The following COL9A2 variants were observed in gnomAD, a reference collection of about 807,000 sequenced individuals.
COL9A2 encodes the protein collagen type IX alpha 2 chain.
In COL9A2, 66 loss-of-function variants were observed where a neutral mutation model predicts 111.6. That is an observed-to-expected ratio of 0.59 (90% CI 0.48 to 0.73). The LOEUF (loss-of-function observed/expected upper bound fraction) is 0.73, where lower values mean the gene tolerates loss of function less well. Ranked by LOEUF, COL9A2 falls within the 30% of genes least tolerant of loss-of-function variation. The pLI is 0.00. For synonymous variants in COL9A2, 353 were observed against 364.1 expected (o/e 0.97, Z 0.35); for missense variants, 881 against 954.1 (o/e 0.92, Z 1.01).
At chr1:40,304,176 C>T (rs1643980944) in intron 24 of COL9A2, 77 bp from the exon 25 acceptor site, 2 of 1,516,152 alleles carry the variant, frequency 1.3e-6, no homozygotes, top group Non-Finnish European at 1.8e-6. Flanking sequence ...CGGCCACACC[C>T]CTCTTTCCAA....
At position 40,302,678 on chromosome 1, in the gene COL9A2, G is replaced by A. The variant is rs1179226171; in HGVS notation, c.1735C>T (p.Arg579Trp). 3.8e-6 allele frequency: 6 copies of A among 1,597,648 alleles called. No homozygotes were observed. Among genetic ancestry groups the A allele is most frequent in the Non-Finnish European group, 5.1e-6 (6 of 1,173,550 alleles). Reference protein sequence around the residue: ...KQGPHGHPGPRGVPGIVGAVG... With the variant: ...KQGPHGHPGPWGVPGIVGAVG... ...GCTCCCACGATGCCAGGAACGCCCC[G>A]AGGGCCAGGGTGCCCATGGGGGCCC... The change falls in exon 30 of 32, where the codon CGG becomes TGG. Residue 579 changes from arginine (R) to tryptophan (W), a missense_variant. Transcript: ENST00000372748. The surrounding 1 kb of genome is among the most constrained non-coding windows in gnomAD (Gnocchi z 4.5).
chr1:40,308,986 C>T (rs1284484812), intron 16 of COL9A2, among the ~76,000 whole-genome samples: 1 of 152,182 alleles, frequency 6.6e-6, no homozygotes, highest in Non-Finnish European at 1.5e-5. Context: ...TGGCTCACAC[C>T]TGTAATCCCA....
At chr1:40,309,824 T>C in intron 16 of COL9A2, 114 bp downstream of exon 16, 1 of 1,007,900 alleles carries the variant, frequency 9.9e-7, no homozygotes. Context: ...ACACTACACA[T>C]TCACACTCAC....
At chr1:40,306,480 T>C (rs1324269147) in intron 19 of COL9A2, among the ~76,000 whole-genome samples, 1 of 152,142 alleles carries the variant, frequency 6.6e-6, no homozygotes, top group Non-Finnish European at 1.5e-5. Context: ...TCTGCATGTG[T>C]GCACAGAAAC....
In COL9A2 at chr1:40,303,881, C is replaced by T; in HGVS notation, c.1369-42G>A. Reference sequence around the variant, plus strand: ...CAGCGGTCACGAAGCCGCGGGGACCCCGGGGCCAGCCGCCGCTCCCCGCCC... The same window carrying T: ...CAGCGGTCACGAAGCCGCGGGGACCTCGGGGCCAGCCGCCGCTCCCCGCCC... On this transcript the variant is annotated intron_variant, in intron 26 of 31. Coordinates refer to ENST00000372748, the MANE Select transcript of COL9A2 (RefSeq NM_001852.4). This position sits in a 1 kb window ranked among gnomAD's most constrained non-coding sequence, Gnocchi z 4.6. 1.9e-6 allele frequency: 3 copies of T among 1,549,114 alleles called. No individual in the cohort carries two copies. The highest frequency in any genetic ancestry group is 2.6e-6 in the Non-Finnish European group (3 of 1,146,598).
At chr1:40,305,997 TGGGAGGTGGCAGGA>T in intron 20 of COL9A2, 132 bp downstream of exon 20, 1 of 912,900 alleles carries the variant, frequency 1.1e-6, no homozygotes, top group Non-Finnish European at 1.8e-6. Context: ...GCATGATGGG[TGGGAGGTGGCAGGA>T]GGGAGGTGGT....
Position 40,310,844 on chromosome 1 carries a change from C to A in COL9A2, c.631-77G>T. The A allele has an allele frequency of 7.8e-7, 1 of 1,276,212 alleles. No individual in the cohort carries two copies. Among genetic ancestry groups the A allele is most frequent in the Non-Finnish European group, 1.1e-6 (1 of 898,270 alleles). 79.1% of individuals were successfully genotyped at this position (1,276,212 alleles called of 1,614,324 possible). On this transcript the variant is annotated intron_variant, in intron 12 of 31. Coordinates refer to ENST00000372748, the MANE Select transcript of COL9A2 (RefSeq NM_001852.4). This position sits in a 1 kb window ranked among gnomAD's most constrained non-coding sequence, Gnocchi z 4.9. ...ATACAGACAAGCAAAGATACCACCT[C>A]TTTTCCCCAGCACAAGCAGACGGGA...
chr1:40,301,728 G>A (rs187442430), intron 31 of COL9A2, 84 bp downstream of exon 31: 7 of 1,318,574 alleles, frequency 5.3e-6, no homozygotes, highest in South Asian at 5.0e-5. Context: ...GCGTGAGGCC[G>A]CCATGGAGGA....
chr1:40,303,892 CG>C lies in COL9A2; in HGVS notation c.1368+35del. On this transcript the variant is annotated intron_variant, in intron 26 of 31. Transcript: ENST00000372748. The surrounding 1 kb of genome is among the most constrained non-coding windows in gnomAD (Gnocchi z 4.6). ...AAGCCGCGGGGACCCCGGGGCCAGC[CG>C]CCGCTCCCCGCCCTTCCCTAGGCCG... is the stretch of plus-strand genomic sequence containing the variant. 1 of 1,549,424 alleles carries C rather than the reference CG, an allele frequency of 6.5e-7. No individual in the cohort carries two copies. Among genetic ancestry groups the C allele is most frequent in the African/African-American group, 1.4e-5 (1 of 73,140 alleles).
In COL9A2 at chr1:40,304,385, T is replaced by G; in HGVS notation, c.1222A>C (p.Lys408Gln). Residue 408 changes from lysine (K) to glutamine (Q), a missense_variant, in exon 24 of 32, where the codon AAG becomes CAG. Lys to Gln is a moderately conservative substitution (Grantham distance 53). Transcript: ENST00000372748. ...ATTCCGGGGGGGCCCTGCTCCCCCT[T>G]AGGGCCCTGAGGAGAAAAGAAACCA... is the stretch of plus-strand genomic sequence containing the variant. ...QPGPQGRQGP[K>Q]GEQGPPGIPG... 1 of 1,597,822 alleles carries G rather than the reference T, an allele frequency of 6.3e-7. No individual in the cohort carries two copies. The highest frequency in any genetic ancestry group is 8.5e-7 in the Non-Finnish European group (1 of 1,171,844).
rs748971483 is a variant in COL9A2 at position 40,302,803 on chromosome 1, A to C, written c.1610T>G (p.Leu537Arg). ...DVALKMLQEQ[L>R]AEVAVSAKRE... is the part of the protein sequence containing the mutation. Reference sequence around the variant, plus strand: ...CTTGGCACTCACGGCGACCTCTGCCAGTTGCTCTGGAGGGAGGGAGGGAGG... The same window carrying C: ...CTTGGCACTCACGGCGACCTCTGCCCGTTGCTCTGGAGGGAGGGAGGGAGG... The change falls in exon 30 of 32, where the codon CTG (leucine) becomes CGG (arginine). Residue 537 changes from leucine to arginine, a missense_variant. By Grantham distance (102) the Leu-to-Arg change is moderately radical (BLOSUM62 -2). Coordinates refer to ENST00000372748, the MANE Select transcript of COL9A2 (RefSeq NM_001852.4). The surrounding 1 kb of genome is among the most constrained non-coding windows in gnomAD (Gnocchi z 4.5). 1.8e-6 allele frequency: 1 copy of C among 546,766 alleles called. No individual in the cohort carries two copies. The highest frequency in any genetic ancestry group is 1.9e-5 in the African/African-American group (1 of 51,906). The allele number at this position is 546,766 out of a possible 1,614,324, so 33.9% of individuals were successfully genotyped here. A position where few individuals can be genotyped will look rare whatever the true frequency, so the allele number is the denominator to read the frequency against.
At position 40,310,614 on chromosome 1, in the gene COL9A2, G is replaced by T. The variant is rs1644107380; in HGVS notation, c.684+100C>A. 5.5e-6 allele frequency: 6 copies of T among 1,087,888 alleles called. No individual in the cohort carries two copies. The highest frequency in any genetic ancestry group is 5.4e-5 in the South Asian group (4 of 74,548). The allele number at this position is 1,087,888 out of a possible 1,614,324, so 67.4% of individuals were successfully genotyped here. ...CAGAGATGCTCCCAGCTAGACACAGGTGTCTCTTTTACAAGCTAGAGGCCT... is the reference window on the plus strand; with the variant it reads ...CAGAGATGCTCCCAGCTAGACACAGTTGTCTCTTTTACAAGCTAGAGGCCT... On this transcript the variant is annotated intron_variant, in intron 13 of 31. Transcript: ENST00000372748. This position sits in a 1 kb window ranked among gnomAD's most constrained non-coding sequence, Gnocchi z 4.9.
At position 40,311,361 on chromosome 1, in the gene COL9A2, T is replaced by C; in HGVS notation, c.520-75A>G. ...CCCCATCTCTCCAAGCCCCGTGCTC[T>C]CCTCCGCCTCACCTGGTGGAACCCC... On this transcript the variant is annotated intron_variant, in intron 10 of 31. Coordinates refer to ENST00000372748, the MANE Select transcript of COL9A2 (RefSeq NM_001852.4). This position sits in a 1 kb window ranked among gnomAD's most constrained non-coding sequence, Gnocchi z 5.1. 6.3e-7 allele frequency: 1 copy of C among 1,580,486 alleles called. No homozygotes were observed. Among genetic ancestry groups the C allele is most frequent in the Non-Finnish European group, 8.6e-7 (1 of 1,159,116 alleles).
chr1:40,308,351 C>T, intron 16 of COL9A2, 106 bp from the exon 17 acceptor site: 1 of 1,197,774 alleles, frequency 8.3e-7, no homozygotes, highest in Non-Finnish European at 1.2e-6. Context: ...CCCAGAGTTC[C>T]TCTGGCACAG....
chr1:40,302,047 G>A lies in COL9A2; in HGVS notation c.1793-158C>T, dbSNP rs1294243349. Among the ~76,000 whole-genome samples, 1 of 152,162 alleles carries A rather than the reference G, an allele frequency of 6.6e-6. No homozygotes were observed. Among genetic ancestry groups the A allele is most frequent in the East Asian group, 1.9e-4 (1 of 5,196 alleles). ...ACGCAGGGCTTGTTAAATAAAGGAAGGTGCAGACAAAGGATGGAAGATTAT... is the reference window on the plus strand; with the variant it reads ...ACGCAGGGCTTGTTAAATAAAGGAAAGTGCAGACAAAGGATGGAAGATTAT... On this transcript the variant is annotated intron_variant, in intron 30 of 31. Coordinates refer to ENST00000372748, the MANE Select transcript of COL9A2 (RefSeq NM_001852.4). This position sits in a 1 kb window ranked among gnomAD's most constrained non-coding sequence, Gnocchi z 4.5.
At position 40,305,771 on chromosome 1, in the gene COL9A2, G is replaced by A. The variant is rs545345308; in HGVS notation, c.1054-3C>T. ...AGGCCCTGCGGGCCCGGCTCACCCTGCAGGAAAACAGTTCTCAGGTCAGTC... is the reference window on the plus strand; with the variant it reads ...AGGCCCTGCGGGCCCGGCTCACCCTACAGGAAAACAGTTCTCAGGTCAGTC... On this transcript the variant is annotated splice_polypyrimidine_tract_variant and splice_region_variant and intron_variant, in intron 20 of 31. Coordinates refer to ENST00000372748, the MANE Select transcript of COL9A2 (RefSeq NM_001852.4). 3 of 1,614,074 alleles carry A rather than the reference G, an allele frequency of 1.9e-6. No individual in the cohort carries two copies. Among genetic ancestry groups the A allele is most frequent in the East Asian group, 2.2e-5 (1 of 44,884 alleles).
In COL9A2 at chr1:40,311,440, CT is replaced by C; in HGVS notation, c.519+59del. 4 of 1,555,546 alleles carry C rather than the reference CT, an allele frequency of 2.6e-6. No homozygotes were observed. Among genetic ancestry groups the C allele is most frequent in the Non-Finnish European group, 3.5e-6 (4 of 1,129,438 alleles). The stretch of plus-strand genomic sequence containing the variant: ...GACACCCCCATCTCCGTGGCCCCGC[CT>C]CCCCATCTCTGTGGCCCCGCCCCCC... On this transcript the variant is annotated intron_variant, in intron 10 of 31. Transcript: ENST00000372748. This position sits in a 1 kb window ranked among gnomAD's most constrained non-coding sequence, Gnocchi z 5.1.
In COL9A2 at chr1:40,303,885, G is replaced by GGCCA; in HGVS notation, c.1368+39_1368+42dup. The GGCCA allele has an allele frequency of 6.5e-7, 1 of 1,549,208 alleles. No homozygotes were observed. Among genetic ancestry groups the GGCCA allele is most frequent in the Non-Finnish European group, 8.7e-7 (1 of 1,146,620 alleles). Reference sequence around the variant, plus strand: ...GGTCACGAAGCCGCGGGGACCCCGGGGCCAGCCGCCGCTCCCCGCCCTTCC... The same window carrying GGCCA: ...GGTCACGAAGCCGCGGGGACCCCGGGGCCAGCCAGCCGCCGCTCCCCGCCCTTCC... On this transcript the variant is annotated intron_variant, in intron 26 of 31. Transcript: ENST00000372748. This position sits in a 1 kb window ranked among gnomAD's most constrained non-coding sequence, Gnocchi z 4.6.
At chr1:40,315,563 C>T (rs1419567392) in intron 2 of COL9A2, 27 bp downstream of exon 2, 1 of 1,548,988 alleles carries the variant, frequency 6.5e-7, no homozygotes, top group Non-Finnish European at 8.7e-7. Context: ...GCCTCCCTCC[C>T]GCCCTGGTCT....
Sources: gnomAD v4.1 joint callset for allele counts (sites outside exome capture counted in the v4.1 genomes callset) on GRCh38, gnomAD v4.1.1 for gene constraint, Gnocchi (gnomAD v3.1) non-coding constraint, MANE v1.5 for transcripts, NCBI Gene and HGNC (gene_info 2026-07-23, HGNC 2026-07-21) for gene names.